UBE2QL1: variants seen among roughly 807,000 people sequenced by gnomAD.
UBE2QL1 encodes ubiquitin-conjugating enzyme E2Q-like protein 1.
In UBE2QL1, 5 loss-of-function variants were observed where a neutral mutation model predicts 12.6. The observed-to-expected ratio is 0.40, with a 90% CI of 0.21 to 0.83. The LOEUF (loss-of-function observed/expected upper bound fraction) is 0.83, where lower values mean the gene tolerates loss of function less well. Ranked by LOEUF, UBE2QL1 falls within the 40% of genes least tolerant of loss-of-function variation. The pLI is 0.37. For missense variants in UBE2QL1, 99 were observed against 222.6 expected, an observed-to-expected ratio of 0.44 and a Z score of 3.53; for synonymous variants, 96 against 94.5, an observed-to-expected ratio of 1.02 and a Z score of -0.10.
intron 1 of UBE2QL1, among the ~76,000 whole-genome samples, chr5:6,469,600 T>C (rs1315821713): frequency 6.7e-6 from 1 of 149,322 alleles, no homozygotes; most frequent in African/African-American, 2.4e-5. Context: ...ACACACACAC[T>C]AAGGCTCTTT....
intron 1 of UBE2QL1, among the ~76,000 whole-genome samples, chr5:6,455,399 C>T (rs993535209): frequency 1.3e-5 from 2 of 152,174 alleles, no homozygotes; most frequent in African/African-American, 4.8e-5. Context: ...AAAACAGACA[C>T]TTGTGGCAGG....
At chr5:6,487,683 G>C (rs76779036) in intron 1 of UBE2QL1, among the ~76,000 whole-genome samples, 2 of 152,360 alleles carry the variant, frequency 1.3e-5, no homozygotes, top group Non-Finnish European at 1.5e-5. Context: ...GAAAAACGCT[G>C]TTAATTGTAT....
At chr5:6,453,838 C>T (rs1739459935) in intron 1 of UBE2QL1, among the ~76,000 whole-genome samples, 1 of 152,164 alleles carries the variant, frequency 6.6e-6, no homozygotes, top group South Asian at 2.1e-4. Flanking sequence ...CAAAGATGAA[C>T]AGCCTGTTGG....
At position 6,483,388 on chromosome 5, in the gene UBE2QL1, A is replaced by G. The variant is rs113665504; in HGVS notation, c.355-7830A>G. Among the ~76,000 whole-genome samples the G allele has an allele frequency of 9.0e-3, 1,365 of 152,190 alleles. 19 individuals carry two copies. The highest frequency in any genetic ancestry group is 0.032 in the African/African-American group (1,314 of 41,524). Reference sequence around the variant, plus strand: ...TGGGAGGCGGAGGTTGCAGTGAGCCAAGATCGTGCCACTGCACTCCAGCCT... The same window carrying G: ...TGGGAGGCGGAGGTTGCAGTGAGCCGAGATCGTGCCACTGCACTCCAGCCT... On this transcript the variant is annotated intron_variant, in intron 1 of 1. Transcript: ENST00000399816.
intron 1 of UBE2QL1, among the ~76,000 whole-genome samples, chr5:6,453,433 T>C (rs1427137271): frequency 1.3e-5 from 2 of 152,196 alleles, no homozygotes; most frequent in African/African-American, 4.8e-5. Flanking sequence ...CAGCCAGCCA[T>C]CCGCAAAAGA....
intron 1 of UBE2QL1, among the ~76,000 whole-genome samples, chr5:6,455,894 G>A (rs1410193108): frequency 6.6e-6 from 1 of 152,136 alleles, no homozygotes; most frequent in African/African-American, 2.4e-5. Flanking sequence ...GACTTCTGTA[G>A]AGATGCCATC....
rs537299817 is a variant in UBE2QL1 at position 6,479,171 on chromosome 5, C to G, written c.355-12047C>G. Among the ~76,000 whole-genome samples the G allele has an allele frequency of 6.6e-6, 1 of 151,808 alleles. No individual in the cohort carries two copies. On this transcript the variant is annotated intron_variant, in intron 1 of 1. Coordinates refer to ENST00000399816, the MANE Select transcript of UBE2QL1 (RefSeq NM_001145161.3). This position sits in a 1 kb window ranked among gnomAD's most constrained non-coding sequence, Gnocchi z 4.2. The stretch of plus-strand genomic sequence containing the variant: ...GCTGAGTGAGCAGAGTCCCACCTGC[C>G]GGAACAAGAGGGCGAAAGTGAGAAT...
Position 6,479,933 on chromosome 5 carries a change from G to A in UBE2QL1, c.355-11285G>A, listed in dbSNP as rs1453059804. ...GTAGACTCAGGGCCCTGATCATCTC[G>A]GGGCTTACATAAACCATGTGGCAAA... On this transcript the variant is annotated intron_variant, in intron 1 of 1. Transcript: ENST00000399816. This position sits in a 1 kb window ranked among gnomAD's most constrained non-coding sequence, Gnocchi z 4.2. Among the ~76,000 whole-genome samples the A allele has an allele frequency of 3.9e-5, 6 of 152,164 alleles. No homozygotes were observed. The highest frequency in any genetic ancestry group is 2.0e-4 in the Admixed American group (3 of 15,278).
rs1007504169 is a variant in UBE2QL1, at chr5:6,467,068, ATCTTT to A, written c.354+17828_354+17832del. On this transcript the variant is annotated intron_variant, in intron 1 of 1. Coordinates refer to ENST00000399816, the MANE Select transcript of UBE2QL1 (RefSeq NM_001145161.3). ...TCATTTAAATAACTTCTCTGTAAAC[ATCTTT>A]TCTTTTATTTCATTGTAGTCCTTCC... Among the ~76,000 whole-genome samples the A allele has an allele frequency of 4.2e-4, 64 of 152,076 alleles. 1 individual carries two copies. Among genetic ancestry groups the A allele is most frequent in the Non-Finnish European group, 1.3e-4 (9 of 68,014 alleles).
chr5:6,480,413 C>T (rs1435968686), intron 1 of UBE2QL1, among the ~76,000 whole-genome samples: 8 of 152,178 alleles, frequency 5.3e-5, no homozygotes, highest in African/African-American at 1.4e-4. Flanking sequence ...TCGACACAGT[C>T]GACACAGCCA....
intron 1 of UBE2QL1, among the ~76,000 whole-genome samples, chr5:6,483,652 G>T (rs1237551118): frequency 6.6e-6 from 1 of 152,204 alleles, no homozygotes; most frequent in African/African-American, 2.4e-5. Context: ...GCTAGAGAGA[G>T]AAATTTTACT....
In UBE2QL1 at chr5:6,479,440, G is replaced by A. The variant is rs1400495050; in HGVS notation, c.355-11778G>A. Among the ~76,000 whole-genome samples, 4 of 152,186 alleles carry A rather than the reference G, an allele frequency of 2.6e-5. No homozygotes were observed. Among genetic ancestry groups the A allele is most frequent in the African/African-American group, 7.2e-5 (3 of 41,432 alleles). ...TGACTTCAACTTAGGGGCGACTTCA[G>A]TAAGAAAGTGGGGGGTCTCTGGGGC... On this transcript the variant is annotated intron_variant, in intron 1 of 1. Transcript: ENST00000399816. This position sits in a 1 kb window ranked among gnomAD's most constrained non-coding sequence, Gnocchi z 4.2.
chr5:6,487,272 G>T (rs1183847989), intron 1 of UBE2QL1, among the ~76,000 whole-genome samples: 5 of 152,182 alleles, frequency 3.3e-5, no homozygotes, highest in Non-Finnish European at 7.4e-5. Context: ...CCCTCAAAAG[G>T]CCATAAGGGA....
chr5:6,456,667 T>C (rs540262067), intron 1 of UBE2QL1, among the ~76,000 whole-genome samples: 133 of 152,274 alleles, frequency 8.7e-4, no homozygotes, highest in African/African-American at 3.1e-3. Context: ...CCTTCCCCAT[T>C]CTGCGTAACG....
intron 1 of UBE2QL1, among the ~76,000 whole-genome samples, chr5:6,461,666 T>C (rs1739669372): frequency 1.3e-5 from 2 of 151,888 alleles, no homozygotes; most frequent in South Asian, 4.2e-4. Flanking sequence ...CTGATCTAGG[T>C]TTGTAATATC....
chr5:6,469,649 T>C (rs1321228959), intron 1 of UBE2QL1, among the ~76,000 whole-genome samples: 1 of 151,406 alleles, frequency 6.6e-6, no homozygotes, highest in African/African-American at 2.4e-5. Flanking sequence ...TTATATAAAT[T>C]TTTTTATTCA....
chr5:6,461,680 A>C (rs912737654), intron 1 of UBE2QL1, among the ~76,000 whole-genome samples: 2 of 152,126 alleles, frequency 1.3e-5, no homozygotes, highest in Admixed American at 1.3e-4. Flanking sequence ...TAATATCAGC[A>C]AATAGAAACA....
At chr5:6,456,202 C>T (rs906195238) in intron 1 of UBE2QL1, among the ~76,000 whole-genome samples, 26 of 152,288 alleles carry the variant, frequency 1.7e-4, no homozygotes, top group South Asian at 1.0e-3. Context: ...TTGCTTTTGA[C>T]CTGCCAAGTG....
chr5:6,459,640 A>G (rs1212580170), intron 1 of UBE2QL1, among the ~76,000 whole-genome samples: 1 of 152,254 alleles, frequency 6.6e-6, no homozygotes, highest in African/African-American at 2.4e-5. Flanking sequence ...TTAAAACATG[A>G]TGAACTAAAA....
Sources: allele counts gnomAD v4.1 joint callset (sites outside exome capture counted in the v4.1 genomes callset), GRCh38; gene constraint gnomAD v4.1.1; non-coding constraint Gnocchi (gnomAD v3.1); transcripts MANE v1.5; gene names NCBI Gene and HGNC (gene_info 2026-07-23, HGNC 2026-07-21).